Variants in ROR1 observed in about 807,000 individuals in gnomAD.
The protein encoded by ROR1 is ROR family WNT receptor 1.
A neutral mutation model predicts 78.8 loss-of-function variants in ROR1; 19 were observed. The ratio of observed to expected loss-of-function variants is 0.24; its 90% CI spans 0.17 to 0.35. ROR1 has a LOEUF of 0.35. Ranked by LOEUF, ROR1 falls within the 10% of genes least tolerant of loss-of-function variation. The pLI, the probability that ROR1 is intolerant of heterozygous loss-of-function variation, is 1.00. For synonymous variants in ROR1, 386 were observed against 433.6 expected (o/e 0.89, Z 1.36); for missense variants, 917 against 1,177.8 (o/e 0.78, Z 3.24).
At chr1:63,839,407 G>A (rs1013798312) in intron 1 of ROR1, among the ~76,000 whole-genome samples, 3 of 147,838 alleles carry the variant, frequency 2.0e-5, no homozygotes, top group African/African-American at 5.0e-5. Flanking sequence ...TATCTAATTT[G>A]GCATCTATTT....
intron 8 of ROR1, among the ~76,000 whole-genome samples, chr1:64,169,786 G>T (rs937759134): frequency 4.6e-5 from 7 of 152,184 alleles, no homozygotes; most frequent in African/African-American, 1.7e-4. Context: ...GGGGGTACAG[G>T]CATTGGGTAA....
chr1:63,974,910 A>G (rs1646146824), intron 1 of ROR1, among the ~76,000 whole-genome samples: 1 of 152,188 alleles, frequency 6.6e-6, no homozygotes, highest in Non-Finnish European at 1.5e-5. Flanking sequence ...GCCTTTAGCT[A>G]TCGATGTGAT....
At chr1:63,838,419 G>A (rs1645031420) in intron 1 of ROR1, among the ~76,000 whole-genome samples, 1 of 152,136 alleles carries the variant, frequency 6.6e-6, no homozygotes, top group South Asian at 2.1e-4. Context: ...GTGGAAGACA[G>A]TGATATTGAT....
chr1:64,072,498 C>A (rs1261287448), intron 4 of ROR1, among the ~76,000 whole-genome samples: 7 of 152,058 alleles, frequency 4.6e-5, no homozygotes, highest in African/African-American at 1.7e-4. Flanking sequence ...GTATTGTGTA[C>A]CAGATGAGAC....
At chr1:63,788,199 A>G (rs2643221) in intron 1 of ROR1, among the ~76,000 whole-genome samples, 3,624 of 152,292 alleles carry the variant, frequency 0.024, 146 homozygotes, top group African/African-American at 0.082. Context: ...AGTGGGTGTT[A>G]TCCTTTTTTT....
intron 4 of ROR1, among the ~76,000 whole-genome samples, chr1:64,120,330 C>T (rs182465676): frequency 6.6e-6 from 1 of 152,156 alleles, no homozygotes; most frequent in African/African-American, 2.4e-5. Flanking sequence ...TACGGGGAGC[C>T]TAAAGCAGCA....
intron 4 of ROR1, among the ~76,000 whole-genome samples, chr1:64,124,854 G>A (rs1648658431): frequency 6.6e-6 from 1 of 152,110 alleles, no homozygotes; most frequent in Non-Finnish European, 1.5e-5. Flanking sequence ...TCATAACTAT[G>A]AGCATATGAT....
chr1:64,016,284 C>G (rs550329696), intron 2 of ROR1, among the ~76,000 whole-genome samples: 1 of 152,120 alleles, frequency 6.6e-6, no homozygotes, highest in Non-Finnish European at 1.5e-5. Context: ...GAAATGTGGA[C>G]AGTCCAAAGT....
intron 7 of ROR1, among the ~76,000 whole-genome samples, chr1:64,155,673 A>G (rs1305913240): frequency 6.6e-6 from 1 of 152,208 alleles, no homozygotes; most frequent in East Asian, 1.9e-4. Context: ...TTTGTTTGCC[A>G]GGCAGGTGAG....
intron 8 of ROR1, among the ~76,000 whole-genome samples, chr1:64,161,135 C>T (rs569131816): frequency 6.4e-4 from 97 of 152,232 alleles, no homozygotes; most frequent in Non-Finnish European, 1.2e-3. Flanking sequence ...ATACCAGGAG[C>T]TTTTACATCC....
chr1:63,995,814 C>CA (rs1205934743), intron 1 of ROR1, among the ~76,000 whole-genome samples: 1 of 152,090 alleles, frequency 6.6e-6, no homozygotes, highest in Non-Finnish European at 1.5e-5. Flanking sequence ...TAGCTATTAT[C>CA]AAAAAAGATT....
chr1:64,142,898 CA>C (rs1649365868), intron 7 of ROR1: 2 of 1,333,942 alleles, frequency 1.5e-6, no homozygotes, highest in Non-Finnish European at 1.9e-6. Context: ...AACAGGGACC[CA>C]GCCCTTCAGA....
At chr1:64,142,290 G>A in intron 6 of ROR1, 115 bp from the exon 7 acceptor site, 2 of 1,486,046 alleles carry the variant, frequency 1.3e-6, no homozygotes, top group Non-Finnish European at 1.8e-6. Flanking sequence ...CAGCAGGGAA[G>A]CTGTGGCCAC....
rs189694598 is a variant in ROR1 at position 63,887,503 on chromosome 1, G to A, written c.91+112995G>A. Reference sequence around the variant, plus strand: ...CTAAAGCAAGCTATAGAACATTTGCGTTATTTCAGAAAGTTCCCTTGTGCT... The same window carrying A: ...CTAAAGCAAGCTATAGAACATTTGCATTATTTCAGAAAGTTCCCTTGTGCT... On this transcript the variant is annotated intron_variant, in intron 1 of 8. Transcript: ENST00000371079. Among the ~76,000 whole-genome samples, 19 of 152,136 alleles carry A rather than the reference G, an allele frequency of 1.2e-4. No homozygotes were observed. In the East Asian group the frequency reaches 1.7e-3, roughly 14 times the overall value.
rs185172963 is a variant in ROR1, at chr1:64,142,364, A to G, written c.929-41A>G. 133 of 1,609,554 alleles carry G rather than the reference A, an allele frequency of 8.3e-5. No individual in the cohort carries two copies. In the Admixed American group the frequency reaches 1.9e-3, roughly 22 times the overall value. On this transcript the variant is annotated intron_variant, in intron 6 of 8. Coordinates refer to ENST00000371079, the MANE Select transcript of ROR1 (RefSeq NM_005012.4). ...CTAGAGGAGAGCTCCAGCATCTCCT[A>G]TGTTTCTTTCTAATTGTTTGGGTTT...
intron 1 of ROR1, among the ~76,000 whole-genome samples, chr1:63,961,303 A>G (rs184790943): frequency 6.6e-6 from 1 of 152,274 alleles, no homozygotes; most frequent in African/African-American, 2.4e-5. Context: ...TAAAACTAGA[A>G]CTTCCATATG....
chr1:64,116,457 CTT>C (rs1158709850), intron 4 of ROR1, among the ~76,000 whole-genome samples: 1 of 152,094 alleles, frequency 6.6e-6, no homozygotes, highest in Non-Finnish European at 1.5e-5. Flanking sequence ...AAGAATACCC[CTT>C]TTTAAATGAG....
intron 1 of ROR1, among the ~76,000 whole-genome samples, chr1:63,904,972 A>T (rs1013716773): frequency 6.6e-6 from 1 of 152,120 alleles, no homozygotes; most frequent in Non-Finnish European, 1.5e-5. Flanking sequence ...GTGGGATCGC[A>T]CACCCAGGCT....
At chr1:64,026,848 C>T (rs1646615054) in intron 2 of ROR1, among the ~76,000 whole-genome samples, 1 of 152,154 alleles carries the variant, frequency 6.6e-6, no homozygotes, top group African/African-American at 2.4e-5. Flanking sequence ...GTCCCTCCCT[C>T]AACACATGGG....
Sources: gnomAD v4.1 joint callset for allele counts (sites outside exome capture counted in the v4.1 genomes callset) on GRCh38, gnomAD v4.1.1 for gene constraint, MANE v1.5 for transcripts, NCBI Gene and HGNC (gene_info 2026-07-23, HGNC 2026-07-21) for gene names.